The following PRKCE variants were observed in gnomAD, a reference collection of about 807,000 sequenced individuals.
The protein encoded by PRKCE is protein kinase C epsilon.
PRKCE carries 16 observed loss-of-function variants against 85.4 expected under a neutral mutation model. The observed-to-expected ratio is 0.19, with a 90% confidence interval of 0.13 to 0.28. The LOEUF is 0.28. Among genes scored for constraint, PRKCE ranks in the 10% least tolerant of loss-of-function variants. PRKCE has a pLI of 1.00. For synonymous variants in PRKCE, 388 were observed against 371.5 expected, an observed-to-expected ratio of 1.04 and a Z score of -0.51; for missense variants, 573 against 975.2, an observed-to-expected ratio of 0.59 and a Z score of 5.49.
chr2:45,766,446 T>G (rs753544963), intron 1 of PRKCE, among the ~76,000 whole-genome samples: 1 of 152,176 alleles, frequency 6.6e-6, no homozygotes, highest in Non-Finnish European at 1.5e-5. Flanking sequence ...TTTTTCCCAG[T>G]CTGCAGACCT....
chr2:46,118,988 A>G (rs1343178269), intron 11 of PRKCE, among the ~76,000 whole-genome samples: 1 of 152,162 alleles, frequency 6.6e-6, no homozygotes, highest in East Asian at 1.9e-4. Flanking sequence ...GTAGAGGGGG[A>G]AGTGCACGAA....
intron 1 of PRKCE, among the ~76,000 whole-genome samples, chr2:45,745,250 A>T (rs1683045543): frequency 6.6e-6 from 1 of 152,132 alleles, no homozygotes; most frequent in Admixed American, 6.6e-5. Context: ...GGTGGAGAGC[A>T]AGTGCCTGGT....
At chr2:45,884,995 A>ATTTTTTTTTT (rs1210402363) in intron 2 of PRKCE, among the ~76,000 whole-genome samples, 9 of 70,246 alleles carry the variant, frequency 1.3e-4, no homozygotes, top group East Asian at 1.2e-3. Flanking sequence ...ATATATATAT[A>ATTTTTTTTTT]TATATATTTG....
intron 2 of PRKCE, among the ~76,000 whole-genome samples, chr2:45,928,031 CT>C (rs1698762774): frequency 1.3e-5 from 2 of 152,084 alleles, no homozygotes; most frequent in Admixed American, 1.3e-4. Context: ...ATTGTTTGTT[CT>C]TTTGGGCTCT....
At chr2:45,979,312 G>A (rs1033410679) in intron 4 of PRKCE, among the ~76,000 whole-genome samples, 3 of 152,192 alleles carry the variant, frequency 2.0e-5, no homozygotes, top group South Asian at 2.1e-4. Context: ...TTCTGCTTCA[G>A]TTGGAGGCTC....
intron 2 of PRKCE, among the ~76,000 whole-genome samples, chr2:45,939,762 C>T (rs1431555319): frequency 6.6e-6 from 1 of 152,130 alleles, no homozygotes; most frequent in African/African-American, 2.4e-5. Context: ...ATCATGTTGA[C>T]CAGGATGGTC....
intron 2 of PRKCE, among the ~76,000 whole-genome samples, chr2:45,848,563 G>A (rs1466618777): frequency 3.3e-5 from 5 of 152,086 alleles, no homozygotes; most frequent in African/African-American, 4.8e-5. Context: ...CACCCACCTC[G>A]GCCTCCCAAA....
chr2:45,896,670 T>C (rs1327186196), intron 2 of PRKCE, among the ~76,000 whole-genome samples: 1 of 152,244 alleles, frequency 6.6e-6, no homozygotes, highest in Non-Finnish European at 1.5e-5. Flanking sequence ...TTGGAGTAGA[T>C]TGCAGAGAAA....
intron 2 of PRKCE, among the ~76,000 whole-genome samples, chr2:45,935,371 G>A (rs1449975265): frequency 2.0e-5 from 3 of 152,080 alleles, no homozygotes; most frequent in Non-Finnish European, 2.9e-5. Flanking sequence ...TCTCAGAGCC[G>A]GCCTCAAGCT....
At chr2:45,909,008 T>C (rs1697188681) in intron 2 of PRKCE, among the ~76,000 whole-genome samples, 1 of 152,236 alleles carries the variant, frequency 6.6e-6, no homozygotes, top group Non-Finnish European at 1.5e-5. Flanking sequence ...GCCTTGACCT[T>C]GAAGTCAGCC....
In PRKCE at chr2:45,652,002, C is replaced by A. The variant is rs1675148745; in HGVS notation, c.-99C>A. ...GTGTGCGGGGTGGGGCGAAAGGGGA[C>A]CCAAGAGTCCCTGTGGCTCGGAGTG... On this transcript the variant is annotated 5_prime_UTR_variant, in exon 1 of 15. Coordinates refer to ENST00000306156, the MANE Select transcript of PRKCE (RefSeq NM_005400.3). The surrounding 1 kb of genome is among the most constrained non-coding windows in gnomAD (Gnocchi z 7.7). 2.1e-6 allele frequency: 2 copies of A among 966,050 alleles called. No individual in the cohort carries two copies. Among genetic ancestry groups the A allele is most frequent in the Non-Finnish European group, 3.1e-6 (2 of 638,360 alleles). 59.8% of individuals were successfully genotyped at this position (966,050 alleles called of 1,614,324 possible).
At chr2:45,763,520 C>A (rs1328327434) in intron 1 of PRKCE, among the ~76,000 whole-genome samples, 3 of 152,110 alleles carry the variant, frequency 2.0e-5, no homozygotes, top group Admixed American at 2.0e-4. Flanking sequence ...CGTCCCACCC[C>A]CTCCCTAGTC....
chr2:45,821,976 A>AG (rs35019338), intron 1 of PRKCE, among the ~76,000 whole-genome samples: 3 of 152,062 alleles, frequency 2.0e-5, no homozygotes, highest in Non-Finnish European at 4.4e-5. Flanking sequence ...GAAGGGCTTG[A>AG]GGGGGCTTAG....
intron 2 of PRKCE, among the ~76,000 whole-genome samples, chr2:45,956,529 A>G (rs1700987527): frequency 6.6e-6 from 1 of 151,972 alleles, no homozygotes. Flanking sequence ...AAGAAAAAAA[A>G]AAAAAATTAG....
intron 11 of PRKCE, among the ~76,000 whole-genome samples, chr2:46,129,419 G>A (rs920570184): frequency 6.6e-6 from 1 of 151,764 alleles, no homozygotes; most frequent in Non-Finnish European, 1.5e-5. Context: ...ACTCCTCAAC[G>A]TTATTTTATT....
chr2:45,761,191 G>C (rs1172202283), intron 1 of PRKCE, among the ~76,000 whole-genome samples: 2 of 151,982 alleles, frequency 1.3e-5, no homozygotes, highest in African/African-American at 2.4e-5. Context: ...GCCGAGTGTG[G>C]TGGTGGGCGC....
chr2:45,666,923 C>G (rs762165606), intron 1 of PRKCE, among the ~76,000 whole-genome samples: 2 of 152,192 alleles, frequency 1.3e-5, no homozygotes, highest in Non-Finnish European at 2.9e-5. Context: ...TCACTGCAAC[C>G]TTGAACTCAT....
chr2:46,005,130 A>G (rs537773608), intron 8 of PRKCE, among the ~76,000 whole-genome samples: 2 of 152,320 alleles, frequency 1.3e-5, no homozygotes, highest in East Asian at 3.9e-4. Context: ...GGGTGAGGAT[A>G]GAAAGATGAA....
chr2:46,094,631 T>A (rs1360887294), intron 11 of PRKCE, among the ~76,000 whole-genome samples: 1 of 60,308 alleles, frequency 1.7e-5, no homozygotes, highest in Non-Finnish European at 3.1e-5. Flanking sequence ...CTGTCGGGGA[T>A]GGGGTTGGGA....
Sources: gnomAD v4.1 joint callset for allele counts (sites outside exome capture counted in the v4.1 genomes callset) on GRCh38, gnomAD v4.1.1 for gene constraint, Gnocchi (gnomAD v3.1) non-coding constraint, MANE v1.5 for transcripts, NCBI Gene and HGNC (gene_info 2026-07-23, HGNC 2026-07-21) for gene names.